Variants in CACNA2D2 observed in about 807,000 individuals in gnomAD.
CACNA2D2 encodes the protein voltage-dependent calcium channel subunit alpha-2/delta-2.
CACNA2D2 carries 48 observed loss-of-function variants against 166.4 expected under a neutral mutation model. That is an observed-to-expected ratio of 0.29 (90% CI 0.23 to 0.37). CACNA2D2 has a LOEUF of 0.37. Among genes scored for constraint, CACNA2D2 ranks in the 10% least tolerant of loss-of-function variants. The pLI is 1.00. For missense variants in CACNA2D2, 1,122 were observed against 1,433.0 expected (o/e 0.78, Z 3.50); for synonymous variants, 561 against 573.7 (o/e 0.98, Z 0.32).
At chr3:50,377,643 C>A in intron 16 of CACNA2D2, 89 bp downstream of exon 16, 1 of 1,554,462 alleles carries the variant, frequency 6.4e-7, no homozygotes, top group Non-Finnish European at 8.9e-7. Context: ...TGCAGGCCTG[C>A]CCTGCCCCTC....
Position 50,379,101 on chromosome 3 carries a change from T to G in CACNA2D2, c.1251A>C (p.Pro417=). Residue 417 remains proline (P), a synonymous_variant, in exon 12 of 38, where the codon CCA becomes CCC. Transcript: ENST00000424201. This position sits in a 1 kb window ranked among gnomAD's most constrained non-coding sequence, Gnocchi z 6.5. ...VQDVFEKYNW[P]NRTVRVFTFS... is the part of the protein sequence containing the mutation. ...CTCGGTTGAGCCTCACCGTCCGGTTTGGCCAATTGTACTTCTCAAAGACGT... is the reference window on the plus strand; with the variant it reads ...CTCGGTTGAGCCTCACCGTCCGGTTGGGCCAATTGTACTTCTCAAAGACGT... The G allele has an allele frequency of 6.2e-7, 1 of 1,613,742 alleles. No individual in the cohort carries two copies.
intron 13 of CACNA2D2, 131 bp downstream of exon 13, chr3:50,378,784 G>T: frequency 9.4e-7 from 1 of 1,064,002 alleles, no homozygotes; most frequent in Non-Finnish European, 1.4e-6. Context: ...ACAGCCTCGT[G>T]GATGGGAGGA....
chr3:50,382,885 C>T (rs587707508), intron 6 of CACNA2D2, among the ~76,000 whole-genome samples: 132 of 152,264 alleles, frequency 8.7e-4, no homozygotes, highest in Admixed American at 2.6e-3. Flanking sequence ...TGACCCCACA[C>T]GCGCTTACCC....
intron 4 of CACNA2D2, among the ~76,000 whole-genome samples, chr3:50,390,309 C>T (rs1310303800): frequency 6.6e-6 from 1 of 152,154 alleles, no homozygotes; most frequent in East Asian, 1.9e-4. Flanking sequence ...GGCAAGGCTG[C>T]CCAGTTAAAT....
intron 3 of CACNA2D2, among the ~76,000 whole-genome samples, chr3:50,411,350 T>C (rs1348440716): frequency 6.6e-6 from 1 of 152,212 alleles, no homozygotes; most frequent in Non-Finnish European, 1.5e-5. Flanking sequence ...TCTGCTACCA[T>C]GTCCGTGGTC....
Position 50,501,884 on chromosome 3 carries a change from C to T in CACNA2D2, c.206+1334G>A, listed in dbSNP as rs184827349. 3.1e-3 allele frequency among the ~76,000 whole-genome samples: 468 copies of T among 152,294 alleles called. 3 individuals are homozygous for T. Among genetic ancestry groups the T allele is most frequent in the South Asian group, 5.8e-3 (28 of 4,832 alleles). On this transcript the variant is annotated intron_variant, in intron 1 of 37. Transcript: ENST00000424201. Reference sequence around the variant, plus strand: ...GATTCTTTTCTCCCTGGGCAACCCCCAAACACACATGTGAAAAATCCAGAC... The same window carrying T: ...GATTCTTTTCTCCCTGGGCAACCCCTAAACACACATGTGAAAAATCCAGAC...
chr3:50,412,773 A>G (rs1707079667), intron 3 of CACNA2D2, among the ~76,000 whole-genome samples: 1 of 152,094 alleles, frequency 6.6e-6, no homozygotes, highest in Non-Finnish European at 1.5e-5. Flanking sequence ...AACAGTAGCA[A>G]TTTTCTTTTC....
chr3:50,424,921 TATCCC>T (rs202207137), intron 3 of CACNA2D2, among the ~76,000 whole-genome samples: 4,203 of 151,996 alleles, frequency 0.028, 195 homozygotes, highest in African/African-American at 0.097. Flanking sequence ...CTTGCCACCC[TATCCC>T]CCTACCTGGG....
In CACNA2D2 at chr3:50,379,027, C is replaced by T. The variant is rs1705149111; in HGVS notation, c.1261-34G>A. On this transcript the variant is annotated intron_variant, in intron 12 of 37. Coordinates refer to ENST00000424201, the MANE Select transcript of CACNA2D2 (RefSeq NM_006030.4). This position sits in a 1 kb window ranked among gnomAD's most constrained non-coding sequence, Gnocchi z 6.5. ...GGTTTGAGGTTACTGCTGTGGCCAC[C>T]AGGGGACAGCCCTCTTCTGTACTGG... 1 of 1,613,010 alleles carries T rather than the reference C, an allele frequency of 6.2e-7. No homozygotes were observed. The highest frequency in any genetic ancestry group is 8.5e-7 in the Non-Finnish European group (1 of 1,179,200).
chr3:50,387,520 G>A (rs1705669788), intron 5 of CACNA2D2, 48 bp downstream of exon 5: 5 of 1,548,172 alleles, frequency 3.2e-6, no homozygotes, highest in Non-Finnish European at 4.5e-6. Flanking sequence ...TTACAGCCAA[G>A]GCCACCAAGG....
At position 50,375,510 on chromosome 3, in the gene CACNA2D2, G is replaced by A. The variant is rs1315739947; in HGVS notation, c.1907+134C>T. On this transcript the variant is annotated intron_variant, in intron 21 of 37. Transcript: ENST00000424201. The surrounding 1 kb of genome is among the most constrained non-coding windows in gnomAD (Gnocchi z 4.0). ...TCTCTTGGCAGACTAAGCATCTCAG[G>A]GTGAGTAGTGAGCAGCCCTGGCCAC... 3 of 855,962 alleles carry A rather than the reference G, an allele frequency of 3.5e-6. No homozygotes were observed. Among genetic ancestry groups the A allele is most frequent in the Admixed American group, 4.4e-5 (2 of 45,342 alleles). The allele number at this position is 855,962 out of a possible 1,614,324, so 53.0% of individuals were successfully genotyped here. A position where few individuals can be genotyped will look rare whatever the true frequency, so the allele number is the denominator to read the frequency against.
intron 3 of CACNA2D2, among the ~76,000 whole-genome samples, chr3:50,422,587 C>A (rs60273100): frequency 6.6e-6 from 1 of 152,118 alleles, no homozygotes; most frequent in Non-Finnish European, 1.5e-5. Flanking sequence ...CTTTCAATAG[C>A]GATAGCCACA....
chr3:50,449,230 GC>G (rs1033285900), intron 2 of CACNA2D2, among the ~76,000 whole-genome samples: 4 of 152,138 alleles, frequency 2.6e-5, no homozygotes, highest in South Asian at 2.1e-4. Context: ...CAAGATGGCA[GC>G]CCCCCACCCC....
chr3:50,503,815 C>G (rs1257622817), upstream of CACNA2D2, among the ~76,000 whole-genome samples: 1 of 151,822 alleles, frequency 6.6e-6, no homozygotes, highest in African/African-American at 2.4e-5. Context: ...GAATCCTGCC[C>G]TACTGGCTCG....
At chr3:50,495,045 C>T (rs576736337) in intron 1 of CACNA2D2, among the ~76,000 whole-genome samples, 3 of 152,200 alleles carry the variant, frequency 2.0e-5, no homozygotes, top group Non-Finnish European at 2.9e-5. Flanking sequence ...TCGCCCTCCC[C>T]GCAGTCTGTA....
chr3:50,445,002 A>G (rs1199190167), intron 2 of CACNA2D2, among the ~76,000 whole-genome samples: 1 of 152,228 alleles, frequency 6.6e-6, no homozygotes, highest in East Asian at 1.9e-4. Context: ...TCTCACACTT[A>G]GGCTCACAGA....
rs1423402829 is a variant in CACNA2D2, at chr3:50,427,429, T to C, written c.405+6884A>G. Among the ~76,000 whole-genome samples the C allele has an allele frequency of 6.6e-6, 1 of 152,234 alleles. No homozygotes were observed. Among genetic ancestry groups the C allele is most frequent in the Non-Finnish European group, 1.5e-5 (1 of 68,042 alleles). The stretch of plus-strand genomic sequence containing the variant: ...TTTGGGTGAGGGGAGAATAATCAGC[T>C]GTAAACGCCGCAATCAGGGAGAAAA... On this transcript the variant is annotated intron_variant, in intron 3 of 37. Transcript: ENST00000424201. This position sits in a 1 kb window ranked among gnomAD's most constrained non-coding sequence, Gnocchi z 4.7.
rs1341329422 is a variant in CACNA2D2, at chr3:50,363,001, C to T, written c.*1665G>A. 1 of 397,488 alleles carries T rather than the reference C, an allele frequency of 2.5e-6. No homozygotes were observed. The highest frequency in any genetic ancestry group is 2.1e-5 in the African/African-American group (1 of 48,580). The allele number at this position is 397,488 out of a possible 1,614,324, so 24.6% of individuals were successfully genotyped here. On this transcript the variant is annotated 3_prime_UTR_variant, in exon 38 of 38. Coordinates refer to ENST00000424201, the MANE Select transcript of CACNA2D2 (RefSeq NM_006030.4). ...GAAATGGCCCCCCAGTCCCCCAGCC[C>T]AAGGTGAGGGGCAGCCAGGTCGGGT...
At position 50,452,700 on chromosome 3, in the gene CACNA2D2, T is replaced by A. The variant is rs140946818; in HGVS notation, c.289-18271A>T. On this transcript the variant is annotated intron_variant, in intron 2 of 37. Coordinates refer to ENST00000424201, the MANE Select transcript of CACNA2D2 (RefSeq NM_006030.4). ...TGAAATGTGAACATGAGAAGCCCCC[T>A]TGGCAGGATATAAGATGATTCTCAT... 8.5e-5 allele frequency among the ~76,000 whole-genome samples: 13 copies of A among 152,322 alleles called. No homozygotes were observed. In the East Asian group the frequency reaches 2.5e-3, roughly 29 times the overall value.
Sources: gnomAD v4.1 joint callset for allele counts (sites outside exome capture counted in the v4.1 genomes callset) on GRCh38, gnomAD v4.1.1 for gene constraint, Gnocchi (gnomAD v3.1) non-coding constraint, MANE v1.5 for transcripts, NCBI Gene and HGNC (gene_info 2026-07-23, HGNC 2026-07-21) for gene names.